The following UBQLN1 variants were observed in gnomAD, a reference collection of about 807,000 sequenced individuals.
UBQLN1 encodes the protein ubiquilin 1, also known as ubiquilin-1.
A neutral mutation model predicts 65.4 loss-of-function variants in UBQLN1; 13 were observed. The observed-to-expected ratio is 0.20, with a 90% CI of 0.13 to 0.32. UBQLN1 has a LOEUF of 0.32. Ranked by LOEUF, UBQLN1 falls within the 10% of genes least tolerant of loss-of-function variation. The probability of loss-of-function intolerance (pLI) is 1.00; values close to 1 mark genes in which losing one functional copy is unlikely to be tolerated. For synonymous variants in UBQLN1, 267 were observed against 247.8 expected (o/e 1.08, Z -0.73); for missense variants, 561 against 724.0 (o/e 0.77, Z 2.58).
In UBQLN1 at chr9:83,695,149, C is replaced by CA. The variant is rs1216870956; in HGVS notation, c.181-8995dup. ...AAATACCTTTCTGGACAGAATCACC[C>CA]AAAAAAAAAAAAAAGTTAACTTTAC... On this transcript the variant is annotated intron_variant, in intron 1 of 10. Transcript: ENST00000376395. Among the ~76,000 whole-genome samples, 1,020 of 126,402 alleles carry CA rather than the reference C, an allele frequency of 8.1e-3. 20 individuals carry two copies. Among genetic ancestry groups the CA allele is most frequent in the Admixed American group, 0.045 (564 of 12,486 alleles). The allele number at this position is 126,402 out of a possible 152,430, so 82.9% of individuals were successfully genotyped here.
intron 3 of UBQLN1, among the ~76,000 whole-genome samples, chr9:83,681,225 C>A (rs188740719): frequency 6.6e-6 from 1 of 152,328 alleles, no homozygotes; most frequent in East Asian, 1.9e-4. Flanking sequence ...AGAAACCTAA[C>A]AGAGCAACAG....
intron 6 of UBQLN1, among the ~76,000 whole-genome samples, chr9:83,670,377 A>C (rs1831710204): frequency 6.6e-6 from 1 of 151,676 alleles, no homozygotes; most frequent in Non-Finnish European, 1.5e-5. Flanking sequence ...GTAAATTTTA[A>C]CTTAGTTTTT....
At chr9:83,679,508 T>C (rs1210673151) in intron 4 of UBQLN1, among the ~76,000 whole-genome samples, 1 of 152,200 alleles carries the variant, frequency 6.6e-6, no homozygotes, top group Non-Finnish European at 1.5e-5. Flanking sequence ...AGGAAGCACT[T>C]TGTTATGAGT....
chr9:83,663,747 G>C, intron 10 of UBQLN1, 128 bp downstream of exon 10: 1 of 1,033,804 alleles, frequency 9.7e-7, no homozygotes, highest in Non-Finnish European at 1.4e-6. Flanking sequence ...CCTTAAGACT[G>C]TATTTTTCAT....
At chr9:83,679,656 G>A (rs1465449956) in intron 4 of UBQLN1, 119 bp downstream of exon 4, 1 of 1,118,648 alleles carries the variant, frequency 8.9e-7, no homozygotes, top group Non-Finnish European at 1.2e-6. Flanking sequence ...CTTAAACCAA[G>A]ATAAGGATTT....
At chr9:83,697,112 G>C (rs1157085849) in intron 1 of UBQLN1, among the ~76,000 whole-genome samples, 2 of 152,050 alleles carry the variant, frequency 1.3e-5, no homozygotes, top group Non-Finnish European at 2.9e-5. Context: ...GCCAGTCAAA[G>C]GAAAGTCAAG....
chr9:83,677,908 A>G lies in UBQLN1; in HGVS notation c.924T>C (p.Gly308=). Reference sequence around the variant, plus strand: ...TATTTTCTGTACGGGAAGGTTGACTACCTTCACCAGAGGATGTATTGCTCA... The same window carrying G: ...TATTTTCTGTACGGGAAGGTTGACTGCCTTCACCAGAGGATGTATTGCTCA... The part of the protein sequence containing the change: ...SLVSNTSSGE[G]SQPSRTENRD... Residue 308 remains glycine (G), a synonymous_variant, in exon 6 of 11, where the codon GGT becomes GGC. Transcript: ENST00000376395. 6.2e-7 allele frequency: 1 copy of G among 1,614,210 alleles called. No individual in the cohort carries two copies.
Position 83,660,935 on chromosome 9 carries a change from A to G in UBQLN1, c.*852T>C, listed in dbSNP as rs1831552945. 6.6e-6 allele frequency: 1 copy of G among 152,530 alleles called. No individual in the cohort carries two copies. The highest frequency in any genetic ancestry group is 2.4e-5 in the African/African-American group (1 of 41,460). The allele number at this position is 152,530 out of a possible 1,614,324, so 9.4% of individuals were successfully genotyped here. The stretch of plus-strand genomic sequence containing the variant: ...TGCCTGTTAAACTACCTATGGGAGA[A>G]GCTGAGAAGTCCTAGGCAAATGCAC... On this transcript the variant is annotated 3_prime_UTR_variant, in exon 11 of 11. Coordinates refer to ENST00000376395, the MANE Select transcript of UBQLN1 (RefSeq NM_013438.5).
intron 7 of UBQLN1, chr9:83,668,379 C>T (rs970704133): frequency 1.4e-5 from 14 of 985,348 alleles, no homozygotes; most frequent in Admixed American, 6.1e-5. Context: ...ACTACAGAAG[C>T]CATTTTTAAC....
Position 83,673,580 on chromosome 9 carries a change from A to AAAAAAAAAAAAAAAC in UBQLN1, c.1105+4146_1105+4147insGTTTTTTTTTTTTTT, listed in dbSNP as rs1554727531. The stretch of plus-strand genomic sequence containing the variant: ...AAAAAAAAAAAAACAAAAAAAAAAA[A>AAAAAAAAAAAAAAAC]CTGCGCTTACGTTTTTATTTTTAAA... On this transcript the variant is annotated intron_variant, in intron 6 of 10. Coordinates refer to ENST00000376395, the MANE Select transcript of UBQLN1 (RefSeq NM_013438.5). 3.7e-5 allele frequency among the ~76,000 whole-genome samples: 4 copies of AAAAAAAAAAAAAAAC among 109,562 alleles called. 1 individual carries two copies. Among genetic ancestry groups the AAAAAAAAAAAAAAAC allele is most frequent in the African/African-American group, 1.6e-4 (4 of 24,578 alleles). The allele number at this position is 109,562 out of a possible 152,430, so 71.9% of individuals were successfully genotyped here.
rs571390295 is a variant in UBQLN1, at chr9:83,660,119, C to T, written c.*1668G>A. On this transcript the variant is annotated 3_prime_UTR_variant, in exon 11 of 11. Transcript: ENST00000376395. Reference sequence around the variant, plus strand: ...CAGAAAGAGCAAAGACACATGAATACCCTTCTTAACAATCTCTTCTACTTA... The same window carrying T: ...CAGAAAGAGCAAAGACACATGAATATCCTTCTTAACAATCTCTTCTACTTA... 4 of 152,354 alleles carry T rather than the reference C, an allele frequency of 2.6e-5. No homozygotes were observed. The South Asian group carries it at 8.3e-4, about 32-fold the overall frequency. The allele number at this position is 152,354 out of a possible 1,614,324, so 9.4% of individuals were successfully genotyped here.
chr9:83,696,269 A>G (rs6559740), intron 1 of UBQLN1, among the ~76,000 whole-genome samples: 65,178 of 152,084 alleles, frequency 0.43, 15,745 homozygotes, highest in African/African-American at 0.64. Context: ...TCAAGCTAAT[A>G]TATCTATCAC....
intron 4 of UBQLN1, among the ~76,000 whole-genome samples, chr9:83,678,963 C>A (rs570826087): frequency 7.0e-4 from 107 of 152,212 alleles, no homozygotes; most frequent in Non-Finnish European, 1.2e-3. Flanking sequence ...CCTCGTGATC[C>A]GCCCACCTCA....
chr9:83,668,067 T>C (rs1245399028), intron 7 of UBQLN1: 16 of 985,284 alleles, frequency 1.6e-5, no homozygotes, highest in Non-Finnish European at 1.9e-5. Flanking sequence ...AATGGCTTAT[T>C]ATGGTAAATT....
At chr9:83,681,328 T>C (rs1481247480) in intron 3 of UBQLN1, among the ~76,000 whole-genome samples, 1 of 152,214 alleles carries the variant, frequency 6.6e-6, no homozygotes. Flanking sequence ...ACTTTTTATA[T>C]ATGCCAGAGA....
At chr9:83,704,280 A>C (rs1485772587) in intron 1 of UBQLN1, among the ~76,000 whole-genome samples, 1 of 152,228 alleles carries the variant, frequency 6.6e-6, no homozygotes, top group Non-Finnish European at 1.5e-5. Flanking sequence ...ATAAAATGGC[A>C]TATCTTTTGT....
intron 1 of UBQLN1, among the ~76,000 whole-genome samples, chr9:83,686,665 C>T (rs1832045848): frequency 6.6e-6 from 1 of 152,188 alleles, no homozygotes; most frequent in African/African-American, 2.4e-5. Context: ...ATTCCTCAGA[C>T]TTCTATCTTC....
intron 6 of UBQLN1, among the ~76,000 whole-genome samples, chr9:83,672,331 G>C (rs1831747517): frequency 6.6e-6 from 1 of 152,206 alleles, no homozygotes; most frequent in Non-Finnish European, 1.5e-5. Context: ...TGGTGCAAGA[G>C]GCCTAGCTTT....
intron 4 of UBQLN1, among the ~76,000 whole-genome samples, chr9:83,679,503 G>A (rs1831904475): frequency 6.6e-6 from 1 of 152,106 alleles, no homozygotes; most frequent in Non-Finnish European, 1.5e-5. Flanking sequence ...AAAGAAGGAA[G>A]CACTTTGTTA....
Sources: gnomAD v4.1 joint callset for allele counts (sites outside exome capture counted in the v4.1 genomes callset) on GRCh38, gnomAD v4.1.1 for gene constraint, MANE v1.5 for transcripts, NCBI Gene and HGNC (gene_info 2026-07-23, HGNC 2026-07-21) for gene names.